Variants in EFR3B observed in about 807,000 individuals in gnomAD.
The protein encoded by EFR3B is protein EFR3 homolog B.
In EFR3B, 64 loss-of-function variants were observed where a neutral mutation model predicts 104.7. The observed-to-expected ratio is 0.61, with a 90% CI of 0.50 to 0.75. The LOEUF is 0.75. EFR3B is among the 30% of genes least tolerant of loss of function. The pLI, the probability that EFR3B is intolerant of heterozygous loss-of-function variation, is 0.00. For synonymous variants in EFR3B, 385 were observed against 417.9 expected (o/e 0.92, Z 0.96); for missense variants, 750 against 1,078.5 (o/e 0.70, Z 4.27).
At chr2:25,081,172 TG>T (rs1668792522) in intron 1 of EFR3B, 1 of 735,938 alleles carries the variant, frequency 1.4e-6, no homozygotes, top group Non-Finnish European at 2.4e-6. Context: ...CCCATTTGCT[TG>T]GTAAACAACT....
chr2:25,062,094 AT>A (rs1373440018), intron 1 of EFR3B, among the ~76,000 whole-genome samples: 1 of 151,988 alleles, frequency 6.6e-6, no homozygotes, highest in Non-Finnish European at 1.5e-5. Context: ...TTAATTTTTA[AT>A]TTTTTTCCCT....
rs1352102981 is a variant in EFR3B at position 25,131,924 on chromosome 2, G to A, written c.1147+13G>A. The A allele has an allele frequency of 6.7e-7, 1 of 1,485,890 alleles. No homozygotes were observed. Among genetic ancestry groups the A allele is most frequent in the Non-Finnish European group, 9.0e-7 (1 of 1,117,004 alleles). 92.0% of individuals were successfully genotyped at this position (1,485,890 alleles called of 1,614,324 possible). On this transcript the variant is annotated intron_variant, in intron 10 of 22. Coordinates refer to ENST00000403714, the MANE Select transcript of EFR3B (RefSeq NM_014971.2). The surrounding 1 kb of genome is among the most constrained non-coding windows in gnomAD (Gnocchi z 7.6). ...ATCAAGACCGTGGGTGCGGCGCGGG[G>A]CCGGGCCGGGGCGGGGCGGGGCCGA...
Position 25,131,233 on chromosome 2 carries a change from C to T in EFR3B, c.850-135C>T, listed in dbSNP as rs1235279394. 4 of 1,180,526 alleles carry T rather than the reference C, an allele frequency of 3.4e-6. No individual in the cohort carries two copies. The East Asian group carries it at 1.0e-4, about 30-fold the overall frequency. 73.1% of individuals were successfully genotyped at this position (1,180,526 alleles called of 1,614,324 possible). A position where few individuals can be genotyped will look rare whatever the true frequency, so the allele number is the denominator to read the frequency against. On this transcript the variant is annotated intron_variant, in intron 8 of 22. Transcript: ENST00000403714. This position sits in a 1 kb window ranked among gnomAD's most constrained non-coding sequence, Gnocchi z 7.6. ...GGATCCAGTAAAGGGCACGAGGTGT[C>T]AGTGCCAACTGCAGTGCCCGGGGCC...
chr2:25,051,955 G>C (rs1667883149), intron 1 of EFR3B, among the ~76,000 whole-genome samples: 2 of 150,804 alleles, frequency 1.3e-5, no homozygotes, highest in African/African-American at 4.9e-5. Context: ...CAGCCCTTTG[G>C]GAGGCTGAGG....
chr2:25,055,853 C>T (rs958254926), intron 1 of EFR3B, among the ~76,000 whole-genome samples: 1 of 152,148 alleles, frequency 6.6e-6, no homozygotes, highest in Non-Finnish European at 1.5e-5. Flanking sequence ...AGCCTCCCTC[C>T]GGGTCTCCTC....
chr2:25,095,862 G>T (rs1413735811), intron 3 of EFR3B, among the ~76,000 whole-genome samples: 1 of 152,030 alleles, frequency 6.6e-6, no homozygotes, highest in Non-Finnish European at 1.5e-5. Context: ...AACATGAACT[G>T]CAGAGCACGT....
intron 4 of EFR3B, among the ~76,000 whole-genome samples, chr2:25,110,704 ATTACG>A (rs1156890835): frequency 1.3e-5 from 2 of 152,238 alleles, no homozygotes; most frequent in African/African-American, 4.8e-5. Context: ...AAACAAAAAA[ATTACG>A]TTCTCCTGCA....
rs116647964 is a variant in EFR3B at position 25,106,253 on chromosome 2, C to T, written c.363+2466C>T. Among the ~76,000 whole-genome samples the T allele has an allele frequency of 2.5e-3, 383 of 151,700 alleles. 2 individuals carry two copies. The highest frequency in any genetic ancestry group is 0.014 in the Middle Eastern group (4 of 290). On this transcript the variant is annotated intron_variant, in intron 4 of 22. Transcript: ENST00000403714. Reference sequence around the variant, plus strand: ...CCTAGGAGAGGAGGAATAGAAGTCTCTAGGCCCTTTACTGCTACTTCATCC... The same window carrying T: ...CCTAGGAGAGGAGGAATAGAAGTCTTTAGGCCCTTTACTGCTACTTCATCC...
chr2:25,113,612 G>A (rs1191108351), intron 4 of EFR3B, among the ~76,000 whole-genome samples: 15 of 150,954 alleles, frequency 9.9e-5, no homozygotes, highest in South Asian at 2.1e-4. Flanking sequence ...AGCTTGCAGC[G>A]AGCCGAGATC....
chr2:25,080,282 G>GGTTTTTTTTT (rs1668756429), intron 1 of EFR3B: 1 of 176,116 alleles, frequency 5.7e-6, no homozygotes, highest in African/African-American at 1.1e-4. Flanking sequence ...CCTCCCCAAA[G>GGTTTTTTTTT]CTTTTTTTTT....
Position 25,154,795 on chromosome 2 carries a change from T to C in EFR3B, c.*455T>C. On this transcript the variant is annotated 3_prime_UTR_variant, in exon 23 of 23. Coordinates refer to ENST00000403714, the MANE Select transcript of EFR3B (RefSeq NM_014971.2). The surrounding 1 kb of genome is among the most constrained non-coding windows in gnomAD (Gnocchi z 4.1). The stretch of plus-strand genomic sequence containing the variant: ...GGGATGGCTCTCTCCTCCCCAGCAC[T>C]CCCCCTGCTCCCCGCCCATGTCCCT... 6.3e-6 allele frequency: 1 copy of C among 158,216 alleles called. No homozygotes were observed. The highest frequency in any genetic ancestry group is 1.4e-5 in the Non-Finnish European group (1 of 72,354). The allele number at this position is 158,216 out of a possible 1,614,324, so 9.8% of individuals were successfully genotyped here. A position where few individuals can be genotyped will look rare whatever the true frequency, so the allele number is the denominator to read the frequency against.
chr2:25,090,416 G>A (rs532038061), intron 1 of EFR3B, among the ~76,000 whole-genome samples: 1 of 152,338 alleles, frequency 6.6e-6, no homozygotes, highest in Admixed American at 6.5e-5. Context: ...TTCTAATTTT[G>A]CCAGTTTGTT....
intron 5 of EFR3B, among the ~76,000 whole-genome samples, chr2:25,125,739 C>G (rs34303244): frequency 0.39 from 59,660 of 152,024 alleles, 12,695 homozygotes; most frequent in East Asian, 0.53. Flanking sequence ...ACAAGGTCAG[C>G]AGATCGAGAC....
intron 1 of EFR3B, among the ~76,000 whole-genome samples, chr2:25,057,815 G>A (rs1668066145): frequency 6.6e-6 from 1 of 150,634 alleles, no homozygotes; most frequent in Non-Finnish European, 1.5e-5. Flanking sequence ...TATCAATTGA[G>A]CTACAGTAAA....
chr2:25,143,643 A>G, intron 17 of EFR3B, 92 bp from the exon 18 acceptor site: 2 of 1,468,162 alleles, frequency 1.4e-6, no homozygotes, highest in Non-Finnish European at 1.8e-6. Context: ...CTGGGCGACA[A>G]GAGCAAAACC....
intron 5 of EFR3B, among the ~76,000 whole-genome samples, chr2:25,124,881 A>G (rs527933231): frequency 1.3e-5 from 2 of 151,298 alleles, no homozygotes; most frequent in South Asian, 4.2e-4. Flanking sequence ...ACATGGTGAA[A>G]CCCCGTCTCT....
chr2:25,121,547 G>A (rs944005631), intron 4 of EFR3B, 126 bp from the exon 5 acceptor site: 11 of 1,228,666 alleles, frequency 9.0e-6, no homozygotes, highest in African/African-American at 6.0e-5. Flanking sequence ...CTGCAAGGCC[G>A]GCCAAGCTGG....
At chr2:25,145,324 C>T in intron 19 of EFR3B, 1 of 521,464 alleles carries the variant, frequency 1.9e-6, no homozygotes, top group Middle Eastern at 5.0e-4. Context: ...GTGATCCCAA[C>T]ATTTTGGAGG....
chr2:25,157,550 C>G lies in EFR3B; in HGVS notation c.*3210C>G, dbSNP rs867850281. ...TTGAGCGAAGAGGAGTCAGTAAGCC[C>G]ATTGAGACCGGCTGCTCCCAAAGCC... is the stretch of plus-strand genomic sequence containing the variant. On this transcript the variant is annotated 3_prime_UTR_variant, in exon 23 of 23. Transcript: ENST00000403714. 2.0e-5 allele frequency: 3 copies of G among 152,250 alleles called. No individual in the cohort carries two copies. Among genetic ancestry groups the G allele is most frequent in the Non-Finnish European group, 4.4e-5 (3 of 68,110 alleles). The allele number at this position is 152,250 out of a possible 1,614,324, so 9.4% of individuals were successfully genotyped here. A position where few individuals can be genotyped will look rare whatever the true frequency, so the allele number is the denominator to read the frequency against.
Sources: gnomAD v4.1 joint callset for allele counts (sites outside exome capture counted in the v4.1 genomes callset) on GRCh38, gnomAD v4.1.1 for gene constraint, Gnocchi (gnomAD v3.1) non-coding constraint, MANE v1.5 for transcripts, NCBI Gene and HGNC (gene_info 2026-07-23, HGNC 2026-07-21) for gene names.